Variants in KALRN observed in about 807,000 individuals in gnomAD.
The protein encoded by KALRN is kalirin RhoGEF kinase, also known as kalirin.
KALRN carries 70 observed loss-of-function variants against 353.7 expected under a neutral mutation model. That is an observed-to-expected ratio of 0.20 (90% CI 0.16 to 0.24). KALRN has a LOEUF of 0.24. Among genes scored for constraint, KALRN ranks in the 10% least tolerant of loss-of-function variants. The pLI is 1.00. For synonymous variants in KALRN, 1,391 were observed against 1,434.8 expected (o/e 0.97, Z 0.69); for missense variants, 2,791 against 3,756.7 (o/e 0.74, Z 6.72).
intron 1 of KALRN, among the ~76,000 whole-genome samples, chr3:124,117,306 A>G (rs527836703): frequency 2.7e-4 from 41 of 150,632 alleles, no homozygotes; most frequent in African/African-American, 9.7e-4. Context: ...TCTTTTATGG[A>G]AAAGAAAAAC....
At chr3:124,394,225 G>A (rs2089870022) in intron 11 of KALRN, among the ~76,000 whole-genome samples, 1 of 152,062 alleles carries the variant, frequency 6.6e-6, no homozygotes. Flanking sequence ...CTCTCTACTG[G>A]CTTTTTTCCT....
intron 57 of KALRN, among the ~76,000 whole-genome samples, chr3:124,703,536 G>T (rs1218743175): frequency 2.0e-5 from 3 of 152,080 alleles, no homozygotes; most frequent in African/African-American, 7.2e-5. Context: ...TGCCCAGGCT[G>T]GTCTTGAACT....
intron 1 of KALRN, among the ~76,000 whole-genome samples, chr3:124,114,400 G>A (rs1028784490): frequency 6.6e-6 from 1 of 152,164 alleles, no homozygotes. Context: ...GGAGCTGTCT[G>A]CTGTTTTCAT....
chr3:124,393,080 C>T (rs2089691809), intron 11 of KALRN, among the ~76,000 whole-genome samples: 1 of 152,140 alleles, frequency 6.6e-6, no homozygotes, highest in Non-Finnish European at 1.5e-5. Flanking sequence ...ATTCCACTGC[C>T]TCAGCTTCCT....
intron 34 of KALRN, among the ~76,000 whole-genome samples, chr3:124,611,320 A>G (rs2077941597): frequency 6.6e-6 from 1 of 152,218 alleles, no homozygotes; most frequent in South Asian, 2.1e-4. Context: ...CCTAGACCAT[A>G]GCAGAAAGAA....
chr3:124,238,548 A>G (rs1158012), intron 3 of KALRN, among the ~76,000 whole-genome samples: 76,785 of 152,016 alleles, frequency 0.51, 19,752 homozygotes, highest in East Asian at 0.66. Context: ...GGAAAAAACA[A>G]TGCATCATAA....
intron 33 of KALRN, among the ~76,000 whole-genome samples, chr3:124,526,718 T>C (rs1476117008): frequency 6.6e-6 from 1 of 152,184 alleles, no homozygotes; most frequent in Admixed American, 6.5e-5. Context: ...AAGGGTTATG[T>C]CCAAAATAGT....
intron 1 of KALRN, among the ~76,000 whole-genome samples, chr3:124,132,266 G>A (rs1287896754): frequency 6.6e-6 from 1 of 152,124 alleles, no homozygotes; most frequent in East Asian, 1.9e-4. Context: ...GCCCCAGGTG[G>A]ACATGTCTTG....
intron 6 of KALRN, among the ~76,000 whole-genome samples, chr3:124,320,958 T>C (rs1020585495): frequency 1.3e-5 from 2 of 152,232 alleles, no homozygotes; most frequent in Admixed American, 6.5e-5. Context: ...TGAAAGACAA[T>C]GAGACTTCGC....
Position 124,434,357 on chromosome 3 carries a change from G to C in KALRN, c.2880G>C (p.Gln960His). 1 of 1,613,726 alleles carries C rather than the reference G, an allele frequency of 6.2e-7. No homozygotes were observed. Among genetic ancestry groups the C allele is most frequent in the African/African-American group, 1.3e-5 (1 of 75,052 alleles). Residue 960 changes from glutamine to histidine, a missense_variant, in exon 17 of 60, where the codon CAG (glutamine) becomes CAC (histidine). Transcript: ENST00000682506. ...AGAAGACGCACCAGAGTGCCCTGCA[G>C]GTACAGCAGAAAGCCGAGGTGCTGC... ...SLQKTHQSALQVQQKAEVLLQ... is the reference protein window; with the variant it reads ...SLQKTHQSALHVQQKAEVLLQ...
chr3:124,661,038 G>C (rs1019867451), intron 44 of KALRN, 65 bp downstream of exon 44: 1 of 1,263,132 alleles, frequency 7.9e-7, no homozygotes, highest in Non-Finnish European at 1.2e-6. Flanking sequence ...TCTCTAGAGG[G>C]GAAAAGATTG....
chr3:124,491,696 C>A, intron 31 of KALRN: 1 of 324,630 alleles, frequency 3.1e-6, no homozygotes, highest in East Asian at 4.8e-5. Flanking sequence ...CAGCAAGGCC[C>A]GCTTAAACTG....
At chr3:124,180,925 T>C (rs535273451) in intron 1 of KALRN, among the ~76,000 whole-genome samples, 41 of 151,986 alleles carry the variant, frequency 2.7e-4, no homozygotes, top group African/African-American at 9.9e-4. Context: ...CATTAATAAG[T>C]CAGGTATCAG....
intron 25 of KALRN, among the ~76,000 whole-genome samples, chr3:124,464,857 C>CAAA (rs4048324): frequency 3.2e-3 from 280 of 87,344 alleles, no homozygotes; most frequent in Middle Eastern, 0.014. Flanking sequence ...GCAATAGAAC[C>CAAA]AAAAAAAAAA....
chr3:124,491,619 C>G (rs1371315400), intron 31 of KALRN, 195 bp downstream of exon 31: 1 of 438,970 alleles, frequency 2.3e-6, no homozygotes, highest in African/African-American at 2.0e-5. Context: ...GACGCATGGT[C>G]TCCTCAAGTG....
In KALRN at chr3:124,422,803, TA is replaced by T. The variant is rs1576798345; in HGVS notation, c.2543-5del. The T allele has an allele frequency of 1.9e-6, 3 of 1,612,116 alleles. No individual in the cohort carries two copies. The East Asian group carries it at 6.7e-5, about 36-fold the overall frequency. Reference sequence around the variant, plus strand: ...TGGTTTTTAATTGTTTCCATTTTTTTAAAATCAGGAATTGAGTTGATCTGTG... The same window carrying T: ...TGGTTTTTAATTGTTTCCATTTTTTTAAATCAGGAATTGAGTTGATCTGTG... On this transcript the variant is annotated splice_region_variant and splice_polypyrimidine_tract_variant and intron_variant, in intron 14 of 59. Transcript: ENST00000682506.
At chr3:124,225,217 C>A (rs559813326) in intron 1 of KALRN, among the ~76,000 whole-genome samples, 115 of 152,254 alleles carry the variant, frequency 7.6e-4, no homozygotes, top group Non-Finnish European at 1.3e-3. Flanking sequence ...AGCTGCTGGG[C>A]TAATTAGCTC....
chr3:124,667,246 C>A, intron 47 of KALRN, 63 bp downstream of exon 47: 1 of 1,458,658 alleles, frequency 6.9e-7, no homozygotes, highest in Non-Finnish European at 9.4e-7. Flanking sequence ...TCTGAGCTTC[C>A]TTGGGTCTAG....
chr3:124,558,919 C>T (rs1482865750), intron 33 of KALRN, among the ~76,000 whole-genome samples: 1 of 152,232 alleles, frequency 6.6e-6, no homozygotes, highest in African/African-American at 2.4e-5. Flanking sequence ...GAAACCATCA[C>T]AGAATAACTG....
Sources: gnomAD v4.1 joint callset for allele counts (sites outside exome capture counted in the v4.1 genomes callset) on GRCh38, gnomAD v4.1.1 for gene constraint, MANE v1.5 for transcripts, NCBI Gene and HGNC (gene_info 2026-07-23, HGNC 2026-07-21) for gene names.